The following SRBD1 variants were observed in gnomAD, a reference collection of about 807,000 sequenced individuals.
The protein encoded by SRBD1 is S1 RNA binding domain 1.
SRBD1 carries 88 observed loss-of-function variants against 115.3 expected under a neutral mutation model. The ratio of observed to expected loss-of-function variants is 0.76; its 90% CI spans 0.64 to 0.91. The LOEUF (loss-of-function observed/expected upper bound fraction) is 0.91, where lower values mean the gene tolerates loss of function less well. Ranked by LOEUF, SRBD1 falls within the 40% of genes least tolerant of loss-of-function variation. The probability of loss-of-function intolerance (pLI) is 0.00; values close to 1 mark genes in which losing one functional copy is unlikely to be tolerated. For synonymous variants in SRBD1, 509 were observed against 407.7 expected, an observed-to-expected ratio of 1.25 and a Z score of -2.99; for missense variants, 1,385 against 1,177.4, an observed-to-expected ratio of 1.18 and a Z score of -2.58.
Position 45,573,303 on chromosome 2 carries a change from T to C in SRBD1, c.1209A>G (p.Ala403=). ...CATTTACCTTTTTTGAGGATACTTT[T>C]GCCAGAGATGACTGGATACAAACAT... ...KRHVCIQSSL[A]KVSSKKVNEK... The change falls in exon 9 of 21, where the codon GCA becomes GCG. Residue 403 remains alanine (A), a synonymous_variant. Coordinates refer to ENST00000263736, the MANE Select transcript of SRBD1 (RefSeq NM_018079.5). The C allele has an allele frequency of 1.2e-6, 2 of 1,612,198 alleles. No individual in the cohort carries two copies.
chr2:45,533,726 T>C (rs1671682143), intron 14 of SRBD1, among the ~76,000 whole-genome samples: 2 of 152,074 alleles, frequency 1.3e-5, no homozygotes, highest in East Asian at 1.9e-4. Context: ...AAAACACTGA[T>C]ACAATCCCAA....
intron 16 of SRBD1, among the ~76,000 whole-genome samples, chr2:45,445,072 C>T (rs566648582): frequency 6.6e-6 from 1 of 152,258 alleles, no homozygotes; most frequent in East Asian, 1.9e-4. Context: ...TTTAACTAAT[C>T]CAGTAGAAAA....
rs1425840398 is a variant in SRBD1 at position 45,390,423 on chromosome 2, C to A, written c.2699-824G>T. ...GTCCAAAAGGTAGGCATAAAGCATG[C>A]CAAGGAATCATTATGGTTCTAGTTA... On this transcript the variant is annotated intron_variant, in intron 20 of 20. Coordinates refer to ENST00000263736, the MANE Select transcript of SRBD1 (RefSeq NM_018079.5). 2.0e-5 allele frequency among the ~76,000 whole-genome samples: 3 copies of A among 152,110 alleles called. No homozygotes were observed. In the East Asian group the frequency reaches 5.8e-4, roughly 29 times the overall value.
At chr2:45,480,751 A>T (rs1006751308) in intron 15 of SRBD1, among the ~76,000 whole-genome samples, 1 of 152,212 alleles carries the variant, frequency 6.6e-6, no homozygotes. Flanking sequence ...TTCAATTTTA[A>T]ATAAAGTTCT....
At chr2:45,584,770 G>A (rs1673465941) in intron 5 of SRBD1, among the ~76,000 whole-genome samples, 1 of 152,092 alleles carries the variant, frequency 6.6e-6, no homozygotes, top group South Asian at 2.1e-4. Flanking sequence ...GAGTCCAGAG[G>A]CATAATTTTT....
intron 19 of SRBD1, among the ~76,000 whole-genome samples, chr2:45,409,231 C>T (rs1156932065): frequency 1.3e-5 from 2 of 151,942 alleles, no homozygotes; most frequent in South Asian, 2.1e-4. Context: ...ACATCCCCTC[C>T]GATTGATTCT....
intron 14 of SRBD1, among the ~76,000 whole-genome samples, chr2:45,533,138 CAA>C (rs1490804549): frequency 1.3e-5 from 2 of 151,920 alleles, no homozygotes; most frequent in African/African-American, 2.4e-5. Context: ...AAGAATAGGC[CAA>C]AGAGTCAACA....
At position 45,389,407 on chromosome 2, in the gene SRBD1, C is replaced by T. The variant is rs769986505; in HGVS notation, c.2891G>A (p.Ser964Asn). 26 of 1,613,942 alleles carry T rather than the reference C, an allele frequency of 1.6e-5. No individual in the cohort carries two copies. Among genetic ancestry groups the T allele is most frequent in the East Asian group, 4.5e-5 (2 of 44,876 alleles). ...TCTTTCTCCGGGGCCCAGTCCAAGG[C>T]TTCTTCTCTTCTTTGTTTTTGAAAG... is the stretch of plus-strand genomic sequence containing the variant. ...AKLSKTKKRR[S>N]LGLGPGERVE... The change falls in exon 21 of 21, where the codon AGC becomes AAC. Residue 964 changes from serine to asparagine, a missense_variant. Physicochemically the swap from Ser to Asn is conservative, Grantham distance 46. Coordinates refer to ENST00000263736, the MANE Select transcript of SRBD1 (RefSeq NM_018079.5).
At chr2:45,534,411 A>G (rs944000585) in intron 14 of SRBD1, among the ~76,000 whole-genome samples, 12 of 151,992 alleles carry the variant, frequency 7.9e-5, no homozygotes, top group Non-Finnish European at 1.2e-4. Context: ...AATGGAGATG[A>G]ATATCAATAA....
At chr2:45,458,307 A>G (rs1239230969) in intron 16 of SRBD1, among the ~76,000 whole-genome samples, 2 of 152,148 alleles carry the variant, frequency 1.3e-5, no homozygotes, top group African/African-American at 4.8e-5. Context: ...GTAAAACTAA[A>G]TGAAACAACA....
At chr2:45,475,997 C>T (rs1280671764) in intron 16 of SRBD1, among the ~76,000 whole-genome samples, 1 of 152,228 alleles carries the variant, frequency 6.6e-6, no homozygotes, top group Non-Finnish European at 1.5e-5. Context: ...CTGCACCTAG[C>T]CAGTTGTACT....
chr2:45,601,792 G>A (rs1674099609), intron 3 of SRBD1, 111 bp downstream of exon 3: 1 of 1,377,502 alleles, frequency 7.3e-7, no homozygotes, highest in Non-Finnish European at 9.9e-7. Context: ...GGATGCCATT[G>A]CTGGCAGTTT....
chr2:45,541,155 C>G (rs1671922681), intron 14 of SRBD1, among the ~76,000 whole-genome samples: 1 of 152,230 alleles, frequency 6.6e-6, no homozygotes. Flanking sequence ...GGCGTGCCAG[C>G]TGTGGCAGGG....
intron 14 of SRBD1, among the ~76,000 whole-genome samples, chr2:45,530,600 A>T (rs1010675646): frequency 2.7e-4 from 41 of 152,062 alleles, no homozygotes; most frequent in African/African-American, 9.7e-4. Context: ...AAAGACACAC[A>T]TCCTATATAT....
intron 19 of SRBD1, among the ~76,000 whole-genome samples, chr2:45,397,739 A>G (rs1667187159): frequency 6.6e-6 from 1 of 152,116 alleles, no homozygotes; most frequent in Admixed American, 6.5e-5. Flanking sequence ...AAGTAGCTGG[A>G]ACCACAAGCC....
At position 45,408,839 on chromosome 2, in the gene SRBD1, G is replaced by A. The variant is rs117530631; in HGVS notation, c.2513+4275C>T. ...AGGGGTATGCAGAAACAAAAAAAAT[G>A]TGTTTACAATAGAAAGCAAATTAAC... On this transcript the variant is annotated intron_variant, in intron 19 of 20. Coordinates refer to ENST00000263736, the MANE Select transcript of SRBD1 (RefSeq NM_018079.5). Among the ~76,000 whole-genome samples, 54 of 152,238 alleles carry A rather than the reference G, an allele frequency of 3.5e-4. 1 individual carries two copies. In the East Asian group the frequency reaches 0.01, roughly 29 times the overall value.
At chr2:45,439,949 T>G (rs909175692) in intron 16 of SRBD1, among the ~76,000 whole-genome samples, 2 of 152,154 alleles carry the variant, frequency 1.3e-5, no homozygotes, top group African/African-American at 4.8e-5. Flanking sequence ...CTTCTGGTTT[T>G]TGTCCACTGC....
chr2:45,593,585 C>T (rs905859254), intron 4 of SRBD1, among the ~76,000 whole-genome samples: 8 of 152,192 alleles, frequency 5.3e-5, no homozygotes, highest in Non-Finnish European at 1.2e-4. Flanking sequence ...AACATCTTGG[C>T]ATCAACCAAA....
chr2:45,443,248 A>C (rs573740377), intron 16 of SRBD1, among the ~76,000 whole-genome samples: 2 of 152,332 alleles, frequency 1.3e-5, no homozygotes, highest in African/African-American at 4.8e-5. Context: ...GGCTGCCTAG[A>C]GTCAGGTAGC....
Sources: gnomAD v4.1 joint callset for allele counts (sites outside exome capture counted in the v4.1 genomes callset) on GRCh38, gnomAD v4.1.1 for gene constraint, MANE v1.5 for transcripts, NCBI Gene and HGNC (gene_info 2026-07-23, HGNC 2026-07-21) for gene names.